The following TTLL13 variants were observed in gnomAD, a reference collection of about 807,000 sequenced individuals.
The protein encoded by TTLL13 is tubulin polyglutamylase TTLL13.
chr15:90,256,082 C>A, the TTLL13 span: 4 of 1,589,662 alleles, frequency 2.5e-6, no homozygotes, highest in South Asian at 4.6e-5. Context: ...GAGCTCCATG[C>A]GGCCCCGGGA....
At chr15:90,253,727 G>C in the TTLL13 span, among the ~76,000 whole-genome samples, 1 of 152,182 alleles carries the variant, frequency 6.6e-6, no homozygotes, top group African/African-American at 2.4e-5. Context: ...AGCCTTCTAA[G>C]CAACTTAGTT....
the TTLL13 span, chr15:90,253,430 C>A: frequency 1.6e-6 from 2 of 1,272,368 alleles, no homozygotes; most frequent in Admixed American, 4.1e-5. Flanking sequence ...ATTCCCACCT[C>A]CTTGCCCAGG....
chr15:90,258,462 G>T, the TTLL13 span: 76 of 636,930 alleles, frequency 1.2e-4, no homozygotes, highest in Non-Finnish European at 1.8e-4. Flanking sequence ...GGTGGTTTTT[G>T]GCCTCTACCG....
chr15:90,261,596 G>A, the TTLL13 span, among the ~76,000 whole-genome samples: 8 of 151,684 alleles, frequency 5.3e-5, no homozygotes, highest in South Asian at 4.2e-4. Flanking sequence ...CCTTGCCAAC[G>A]TGGTGAAACC....
chr15:90,264,173 G>A, the TTLL13 span: 1 of 667,846 alleles, frequency 1.5e-6, no homozygotes. Context: ...TAAGAATGGG[G>A]AAGTTAGGGT....
chr15:90,251,280 A>ATTTTTTTTTTTT, the TTLL13 span, among the ~76,000 whole-genome samples: 5 of 109,508 alleles, frequency 4.6e-5, no homozygotes, highest in African/African-American at 1.1e-4. Flanking sequence ...CGCATGGCAA[A>ATTTTTTTTTTTT]TTTTTTTTTT....
chr15:90,258,748 C>G, the TTLL13 span: 4 of 1,614,054 alleles, frequency 2.5e-6, no homozygotes, highest in Non-Finnish European at 2.5e-6. Flanking sequence ...GGCAGGTAAA[C>G]CACTCTCCAA....
chr15:90,256,411 C>T, the TTLL13 span: 1 of 1,328,878 alleles, frequency 7.5e-7, no homozygotes, highest in Non-Finnish European at 1.0e-6. Flanking sequence ...TCCCACTAGC[C>T]CCGTTTTCCT....
the TTLL13 span, chr15:90,262,388 AG>A: frequency 3.1e-6 from 4 of 1,296,636 alleles, no homozygotes; most frequent in Non-Finnish European, 4.1e-6. Flanking sequence ...ATCAGTCCTA[AG>A]AACAGATTGT....
chr15:90,258,689 C>T, the TTLL13 span: 2 of 1,448,198 alleles, frequency 1.4e-6, no homozygotes, highest in African/African-American at 1.4e-5. Flanking sequence ...TGCAAGAGGC[C>T]ACCACCTGCT....
At chr15:90,250,613 C>G in the TTLL13 span, 6 of 1,607,928 alleles carry the variant, frequency 3.7e-6, no homozygotes, top group Non-Finnish European at 5.1e-6. Flanking sequence ...ACCCCGCAAC[C>G]CCTCAGAATC....
At chr15:90,257,236 C>A in the TTLL13 span, 1 of 1,613,450 alleles carries the variant, frequency 6.2e-7, no homozygotes, top group Admixed American at 1.7e-5. Flanking sequence ...AGGGCCTAGC[C>A]CGTTTTGCCA....
chr15:90,250,711 G>A, the TTLL13 span: 1 of 1,614,148 alleles, frequency 6.2e-7, no homozygotes, highest in Non-Finnish European at 8.5e-7. Context: ...GTGTTAAAGA[G>A]GGAGTTACCA....
the TTLL13 span, among the ~76,000 whole-genome samples, chr15:90,260,448 G>A: frequency 6.6e-6 from 1 of 152,208 alleles, no homozygotes. Context: ...AGCGAACTGA[G>A]ACTGCATCAC....
the TTLL13 span, among the ~76,000 whole-genome samples, chr15:90,260,310 C>A: frequency 6.6e-6 from 1 of 151,652 alleles, no homozygotes; most frequent in Non-Finnish European, 1.5e-5. Context: ...CCAGCCTGGG[C>A]AACAGGCAAA....
chr15:90,260,823 C>T, the TTLL13 span, among the ~76,000 whole-genome samples: 1 of 147,364 alleles, frequency 6.8e-6, no homozygotes, highest in African/African-American at 2.6e-5. Flanking sequence ...TGCACTCCAG[C>T]CTGGGCGATA....
the TTLL13 span, chr15:90,259,150 C>A: frequency 3.0e-6 from 3 of 1,006,584 alleles, no homozygotes; most frequent in Non-Finnish European, 4.1e-6. Context: ...ATTGCTTGAG[C>A]CCTAGAGTTC....
the TTLL13 span, chr15:90,262,169 A>G: frequency 6.5e-7 from 1 of 1,534,996 alleles, no homozygotes; most frequent in East Asian, 2.4e-5. Context: ...TGCTGCTTCC[A>G]AGGCCAGAGA....
chr15:90,263,130 A>G, the TTLL13 span: 8 of 1,525,696 alleles, frequency 5.2e-6, no homozygotes, highest in Non-Finnish European at 7.0e-6. Flanking sequence ...GCCAGAAAAA[A>G]CTTCATGAGA....
Sources: gnomAD v4.1 joint callset for allele counts (sites outside exome capture counted in the v4.1 genomes callset) on GRCh38, gnomAD v4.1.1 for gene constraint, MANE v1.5 for transcripts, NCBI Gene and HGNC (gene_info 2026-07-23, HGNC 2026-07-21) for gene names.